MAP1LC3B2: variants seen among roughly 807,000 people sequenced by gnomAD.
MAP1LC3B2 encodes microtubule associated protein 1 light chain 3 beta 2.
For missense variants in MAP1LC3B2, 155 were observed against 154.6 expected, an observed-to-expected ratio of 1.00 and a Z score of -0.01; for synonymous variants, 62 against 57.8, an observed-to-expected ratio of 1.07 and a Z score of -0.33.
intron 1 of MAP1LC3B2, among the ~76,000 whole-genome samples, chr12:116,561,410 C>G (rs1480987716): frequency 1.3e-5 from 2 of 152,170 alleles, no homozygotes; most frequent in Non-Finnish European, 2.9e-5. Flanking sequence ...TCATAAGAAA[C>G]TAACAGAGCC....
chr12:116,561,844 G>A (rs576380256), intron 1 of MAP1LC3B2, among the ~76,000 whole-genome samples: 93 of 152,232 alleles, frequency 6.1e-4, no homozygotes, highest in Non-Finnish European at 1.1e-3. Flanking sequence ...GTTCTTGAAC[G>A]AGGCTGGACT....
intron 1 of MAP1LC3B2, among the ~76,000 whole-genome samples, chr12:116,569,513 G>A (rs1188335093): frequency 6.6e-6 from 1 of 152,132 alleles, no homozygotes; most frequent in African/African-American, 2.4e-5. Flanking sequence ...ATCCTTCAAG[G>A]ACAAGGACCA....
chr12:116,563,760 C>G (rs1282893701), intron 1 of MAP1LC3B2, among the ~76,000 whole-genome samples: 1 of 152,148 alleles, frequency 6.6e-6, no homozygotes, highest in African/African-American at 2.4e-5. Context: ...GTTATTGTTG[C>G]ATAGGCCCCT....
Position 116,576,012 on chromosome 12 carries a change from C to T in MAP1LC3B2, c.70C>T (p.Arg24Ter). 6.2e-7 allele frequency: 1 copy of T among 1,614,194 alleles called. No homozygotes were observed. The highest frequency in any genetic ancestry group is 1.1e-5 in the South Asian group (1 of 91,088). The change falls in exon 2 of 2, where the codon CGA becomes TGA. Residue 24 changes from arginine to a stop codon, truncating the protein, a stop_gained. Transcript: ENST00000556529. LOFTEE classifies it low-confidence loss of function (END_TRUNC). Reference protein sequence around the residue: ...EQRVEDVRLIREQHPTKIPVI... With the variant: ...EQRVEDVRLI ...AAGAGTAGAAGATGTCCGACTTATT[C>T]GAGAGCAGCATCCAACCAAAATCCC...
chr12:116,563,767 C>T (rs900039158), intron 1 of MAP1LC3B2, among the ~76,000 whole-genome samples: 2 of 152,068 alleles, frequency 1.3e-5, no homozygotes, highest in East Asian at 3.8e-4. Flanking sequence ...TTGCATAGGC[C>T]CCTGACACTC....
At chr12:116,562,250 C>A (rs1318803008) in intron 1 of MAP1LC3B2, among the ~76,000 whole-genome samples, 1 of 152,156 alleles carries the variant, frequency 6.6e-6, no homozygotes, top group African/African-American at 2.4e-5. Context: ...GTCCTGACAA[C>A]AATATTTGTA....
chr12:116,568,389 G>A (rs1475313712), intron 1 of MAP1LC3B2, among the ~76,000 whole-genome samples: 1 of 152,206 alleles, frequency 6.6e-6, no homozygotes, highest in African/African-American at 2.4e-5. Flanking sequence ...AGACTTATTT[G>A]CTCCTTCACT....
At chr12:116,573,319 G>A (rs7972894) in intron 1 of MAP1LC3B2, among the ~76,000 whole-genome samples, 46,650 of 151,956 alleles carry the variant, frequency 0.31, 9,019 homozygotes, top group Non-Finnish European at 0.43. Flanking sequence ...TTTAAACAGA[G>A]CTCCATATAC....
chr12:116,567,122 C>G lies in MAP1LC3B2; in HGVS notation c.-102+7689C>G, dbSNP rs75471917. Reference sequence around the variant, plus strand: ...AGTTAGCTCTTTGGCTAATTCATGTCTTCAAAGGTGCCTGGGTTTTTGGAG... The same window carrying G: ...AGTTAGCTCTTTGGCTAATTCATGTGTTCAAAGGTGCCTGGGTTTTTGGAG... On this transcript the variant is annotated intron_variant, in intron 1 of 1. Transcript: ENST00000556529. Among the ~76,000 whole-genome samples, 371 of 151,920 alleles carry G rather than the reference C, an allele frequency of 2.4e-3. 11 individuals are homozygous for G. The East Asian group carries it at 0.06, about 25-fold the overall frequency.
chr12:116,560,318 G>A (rs757208854), intron 1 of MAP1LC3B2, among the ~76,000 whole-genome samples: 4 of 149,600 alleles, frequency 2.7e-5, no homozygotes, highest in South Asian at 4.2e-4. Context: ...GCGCGCTCTC[G>A]GCTCGCTGCA....
At chr12:116,561,193 T>C (rs1869263061) in intron 1 of MAP1LC3B2, among the ~76,000 whole-genome samples, 1 of 151,954 alleles carries the variant, frequency 6.6e-6, no homozygotes, top group African/African-American at 2.4e-5. Context: ...GAGGATCTCT[T>C]GAGCCCAGAA....
chr12:116,575,635 G>C (rs765178544), intron 1 of MAP1LC3B2, among the ~76,000 whole-genome samples: 1 of 152,172 alleles, frequency 6.6e-6, no homozygotes, highest in Non-Finnish European at 1.5e-5. Context: ...TTTCAATAAA[G>C]CCAAGATTTC....
chr12:116,566,708 G>C (rs1436956509), intron 1 of MAP1LC3B2, among the ~76,000 whole-genome samples: 6 of 149,284 alleles, frequency 4.0e-5, no homozygotes, highest in Non-Finnish European at 8.9e-5. Flanking sequence ...GAGTCAGGCA[G>C]ATCACCTGAG....
At chr12:116,571,531 G>A (rs1869534387) in intron 1 of MAP1LC3B2, among the ~76,000 whole-genome samples, 1 of 127,722 alleles carries the variant, frequency 7.8e-6, no homozygotes, top group African/African-American at 3.0e-5. Context: ...CCCAGGCTGG[G>A]GTGCAGTGGG....
chr12:116,571,290 G>A (rs1413097902), intron 1 of MAP1LC3B2, among the ~76,000 whole-genome samples: 1 of 151,998 alleles, frequency 6.6e-6, no homozygotes, highest in Non-Finnish European at 1.5e-5. Flanking sequence ...CATTTTAAAG[G>A]CTCTGAGAAG....
intron 1 of MAP1LC3B2, chr12:116,560,222 A>ATG (rs1566022589): frequency 1.4e-5 from 1 of 72,606 alleles, no homozygotes; most frequent in South Asian, 5.3e-4. Context: ...ATATATATAT[A>ATG]TATATATATA....
rs1230211750 is a variant in MAP1LC3B2 at position 116,575,989 on chromosome 12, G to A, written c.47G>A (p.Arg16Lys). 6.2e-7 allele frequency: 1 copy of A among 1,614,094 alleles called. No homozygotes were observed. Among genetic ancestry groups the A allele is most frequent in the Admixed American group, 1.7e-5 (1 of 59,996 alleles). The change falls in exon 2 of 2, where the codon AGA (arginine) becomes AAA (lysine). Residue 16 changes from arginine to lysine, a missense_variant. Transcript: ENST00000556529. ...AAGCAGCGGCGCACCTTCGAACAAAGAGTAGAAGATGTCCGACTTATTCGA... is the reference window on the plus strand; with the variant it reads ...AAGCAGCGGCGCACCTTCGAACAAAAAGTAGAAGATGTCCGACTTATTCGA... ...TFKQRRTFEQ[R>K]VEDVRLIREQ... is the part of the protein sequence containing the mutation.
Position 116,575,916 on chromosome 12 carries a change from C to T in MAP1LC3B2, c.-27C>T, listed in dbSNP as rs1869661088. On this transcript the variant is annotated 5_prime_UTR_variant, in exon 2 of 2. Coordinates refer to ENST00000556529, the MANE Select transcript of MAP1LC3B2 (RefSeq NM_001085481.3). ...GGAGCCGCCGGGACCCTCGCGTCGT[C>T]GCCGCCGCGGCCCAGATCCCCACAC... is the stretch of plus-strand genomic sequence containing the variant. 1.2e-6 allele frequency: 2 copies of T among 1,613,656 alleles called. No individual in the cohort carries two copies. Among genetic ancestry groups the T allele is most frequent in the South Asian group, 2.2e-5 (2 of 91,074 alleles).
intron 1 of MAP1LC3B2, among the ~76,000 whole-genome samples, chr12:116,565,303 G>C (rs1869359873): frequency 6.6e-6 from 1 of 152,206 alleles, no homozygotes. Context: ...CATGGATGTG[G>C]AGGCCTCACA....
Sources: gnomAD v4.1 joint callset for allele counts (sites outside exome capture counted in the v4.1 genomes callset) on GRCh38, gnomAD v4.1.1 for gene constraint, MANE v1.5 for transcripts, NCBI Gene and HGNC (gene_info 2026-07-23, HGNC 2026-07-21) for gene names.